Variants in LRRC7 observed in about 807,000 individuals in gnomAD.
The protein encoded by LRRC7 is leucine-rich repeat-containing protein 7.
A neutral mutation model predicts 175.7 loss-of-function variants in LRRC7; 23 were observed. That is an observed-to-expected ratio of 0.13 (90% CI 0.09 to 0.19). The LOEUF is 0.19. LRRC7 is among the 10% of genes least tolerant of loss of function. The probability of loss-of-function intolerance (pLI) is 1.00; values close to 1 mark genes in which losing one functional copy is unlikely to be tolerated. For synonymous variants in LRRC7, 685 were observed against 680.9 expected (o/e 1.01, Z -0.09); for missense variants, 1,354 against 1,904.7 (o/e 0.71, Z 5.38).
intron 26 of LRRC7, among the ~76,000 whole-genome samples, chr1:70,117,540 TAAAA>T (rs1665940464): frequency 1.3e-5 from 2 of 152,052 alleles, no homozygotes; most frequent in Non-Finnish European, 2.9e-5. Context: ...AAGAGACAAT[TAAAA>T]AACATTTTGT....
chr1:69,781,786 AAAGGAAGGAAGG>A (rs771907811), intron 3 of LRRC7, among the ~76,000 whole-genome samples: 2,061 of 28,230 alleles, frequency 0.073, 247 homozygotes, highest in Admixed American at 0.092. Flanking sequence ...AGAAAGAAAG[AAAGGAAGGAAGG>A]AAGGAAGGAA....
chr1:69,611,136 C>G (rs1648657019), intron 1 of LRRC7, among the ~76,000 whole-genome samples: 1 of 151,984 alleles, frequency 6.6e-6, no homozygotes, highest in Admixed American at 6.6e-5. Flanking sequence ...AAACTTTTGA[C>G]CAATGATTTT....
chr1:70,086,179 A>C (rs1265385972), intron 24 of LRRC7, among the ~76,000 whole-genome samples: 1 of 152,078 alleles, frequency 6.6e-6, no homozygotes, highest in East Asian at 1.9e-4. Context: ...GCTGGAATGC[A>C]GTGGCACAGT....
intron 2 of LRRC7, among the ~76,000 whole-genome samples, chr1:69,754,725 A>G (rs901589065): frequency 3.7e-4 from 56 of 152,082 alleles, no homozygotes; most frequent in African/African-American, 1.1e-3. Flanking sequence ...TCTCAAGAGC[A>G]TTATGCCAAT....
intron 7 of LRRC7, among the ~76,000 whole-genome samples, chr1:69,876,750 A>C (rs1686079296): frequency 6.6e-6 from 1 of 152,126 alleles, no homozygotes; most frequent in Admixed American, 6.6e-5. Flanking sequence ...CAATTCAATA[A>C]ACATTTGTTG....
intron 23 of LRRC7, among the ~76,000 whole-genome samples, chr1:70,071,034 G>A (rs1282034545): frequency 6.6e-6 from 1 of 152,156 alleles, no homozygotes; most frequent in Non-Finnish European, 1.5e-5. Context: ...AGAAGTCTGG[G>A]CTCAACACTT....
At chr1:69,889,204 G>A (rs931300682) in intron 7 of LRRC7, among the ~76,000 whole-genome samples, 1 of 152,292 alleles carries the variant, frequency 6.6e-6, no homozygotes, top group Admixed American at 6.5e-5. Context: ...GGTGGTGGTT[G>A]ATTAAGGTTA....
chr1:69,632,252 C>G (rs1249877187), intron 1 of LRRC7, among the ~76,000 whole-genome samples: 1 of 152,086 alleles, frequency 6.6e-6, no homozygotes, highest in Admixed American at 6.6e-5. Context: ...ATTGTACTTC[C>G]CCAGATACTT....
intron 2 of LRRC7, 65 bp from the exon 3 acceptor site, chr1:69,760,125 AC>A (rs1228778356): frequency 6.6e-7 from 1 of 1,521,070 alleles, no homozygotes; most frequent in Non-Finnish European, 9.0e-7. Flanking sequence ...TTTAAATATT[AC>A]AAGAATGCCT....
At chr1:70,075,512 G>A (rs528762266) in intron 23 of LRRC7, among the ~76,000 whole-genome samples, 5 of 152,174 alleles carry the variant, frequency 3.3e-5, no homozygotes, top group East Asian at 3.9e-4. Context: ...TTTCGAAGAC[G>A]GTTCCATAGC....
At chr1:69,977,468 T>C (rs550577431) in intron 8 of LRRC7, among the ~76,000 whole-genome samples, 2 of 152,344 alleles carry the variant, frequency 1.3e-5, no homozygotes, top group South Asian at 4.1e-4. Context: ...TAATTAGATC[T>C]TACTTAATGA....
At chr1:69,889,157 G>A (rs1467627538) in intron 7 of LRRC7, among the ~76,000 whole-genome samples, 1 of 152,088 alleles carries the variant, frequency 6.6e-6, no homozygotes, top group Admixed American at 6.5e-5. Flanking sequence ...GTTGATAGAG[G>A]GTCTTTCCTT....
At chr1:69,588,395 T>A (rs1245052) in intron 1 of LRRC7, among the ~76,000 whole-genome samples, 19,833 of 152,204 alleles carry the variant, frequency 0.13, 1,635 homozygotes, top group South Asian at 0.19. Flanking sequence ...AATTAATGAC[T>A]AACCTATAGA....
intron 1 of LRRC7, among the ~76,000 whole-genome samples, chr1:69,640,939 A>G (rs1654111219): frequency 1.3e-5 from 2 of 151,726 alleles, no homozygotes; most frequent in African/African-American, 4.8e-5. Flanking sequence ...TTAGGAAATT[A>G]CCTTTCAAAA....
intron 2 of LRRC7, among the ~76,000 whole-genome samples, chr1:69,738,297 C>T (rs1668338218): frequency 1.3e-5 from 2 of 152,010 alleles, no homozygotes; most frequent in South Asian, 2.1e-4. Flanking sequence ...CTGGGATTTG[C>T]ACCCTGACCC....
At chr1:69,759,538 G>A (rs180930651) in intron 2 of LRRC7, among the ~76,000 whole-genome samples, 58 of 152,024 alleles carry the variant, frequency 3.8e-4, no homozygotes, top group African/African-American at 1.1e-3. Context: ...TACAAGGTTC[G>A]TAAAGATAGA....
At position 70,107,847 on chromosome 1, in the gene LRRC7, G is replaced by A. The variant is rs766018320; in HGVS notation, c.4620+21G>A. The A allele has an allele frequency of 7.0e-6, 11 of 1,570,488 alleles. No individual in the cohort carries two copies. The South Asian group carries it at 1.1e-4, about 16-fold the overall frequency. On this transcript the variant is annotated intron_variant, in intron 26 of 26. Coordinates refer to ENST00000651989, the MANE Select transcript of LRRC7 (RefSeq NM_001370785.2). ...TTCAGGTAAGACAGATAAAAGAAAT[G>A]CATGCAAATGCCATACTGAGACAAA...
chr1:69,668,523 A>C (rs1364827042), intron 1 of LRRC7, among the ~76,000 whole-genome samples: 1 of 152,028 alleles, frequency 6.6e-6, no homozygotes, highest in Non-Finnish European at 1.5e-5. Context: ...TATGTGCCAC[A>C]TTTTCTTTAT....
At chr1:69,775,898 G>C (rs769057131) in intron 3 of LRRC7, among the ~76,000 whole-genome samples, 3 of 152,140 alleles carry the variant, frequency 2.0e-5, no homozygotes, top group Non-Finnish European at 2.9e-5. Flanking sequence ...TATGAGAAAT[G>C]ATGGGAAAGA....
Sources: gnomAD v4.1 joint callset for allele counts (sites outside exome capture counted in the v4.1 genomes callset) on GRCh38, gnomAD v4.1.1 for gene constraint, MANE v1.5 for transcripts, NCBI Gene and HGNC (gene_info 2026-07-23, HGNC 2026-07-21) for gene names.